Variants in YPEL1 observed in about 807,000 individuals in gnomAD.
YPEL1 encodes yippee like 1, also known as protein yippee-like 1.
Under a neutral mutation model 17.3 loss-of-function variants are expected in YPEL1, and 7 were observed. That is an observed-to-expected ratio of 0.40 (90% CI 0.23 to 0.76). The LOEUF is 0.76. YPEL1 is among the 30% of genes least tolerant of loss of function. The pLI is 0.35. For synonymous variants in YPEL1, 59 were observed against 59.6 expected, an observed-to-expected ratio of 0.99 and a Z score of 0.05; for missense variants, 91 against 155.5, an observed-to-expected ratio of 0.59 and a Z score of 2.21.
At chr22:21,704,017 C>A in intron 2 of YPEL1, 135 bp from the exon 3 acceptor site, 1 of 959,196 alleles carries the variant, frequency 1.0e-6, no homozygotes, top group South Asian at 1.4e-5. Flanking sequence ...ACACCGGCGT[C>A]CCCCCTCCAG....
intron 1 of YPEL1, among the ~76,000 whole-genome samples, chr22:21,711,440 C>T (rs1011859159): frequency 5.3e-5 from 8 of 152,170 alleles, no homozygotes; most frequent in African/African-American, 1.9e-4. Context: ...TGAGTGGGCC[C>T]GGTGGCAGGG....
Position 21,700,142 on chromosome 22 carries a change from GTACTT to G in YPEL1, c.*982_*986del, listed in dbSNP as rs2068050539. 6.6e-6 allele frequency: 1 copy of G among 152,318 alleles called. No homozygotes were observed. The highest frequency in any genetic ancestry group is 1.5e-5 in the Non-Finnish European group (1 of 68,026). 9.4% of individuals were successfully genotyped at this position (152,318 alleles called of 1,614,324 possible). On this transcript the variant is annotated 3_prime_UTR_variant, in exon 5 of 5. Coordinates refer to ENST00000339468, the MANE Select transcript of YPEL1 (RefSeq NM_013313.5). ...CTCTGGAAGATTCTTAAATAACACT[GTACTT>G]TAAGGGTTCATTTGCAAGAGGAATA...
At chr22:21,711,756 TA>T (rs1290697991) in intron 1 of YPEL1, among the ~76,000 whole-genome samples, 1 of 152,190 alleles carries the variant, frequency 6.6e-6, no homozygotes, top group Non-Finnish European at 1.5e-5. Context: ...GCTAAGACTA[TA>T]AAACTCTTAG....
At chr22:21,710,226 G>A (rs1484319013) in intron 2 of YPEL1, among the ~76,000 whole-genome samples, 1 of 152,124 alleles carries the variant, frequency 6.6e-6, no homozygotes, top group Non-Finnish European at 1.5e-5. Flanking sequence ...ATTTTTCTGA[G>A]CAACCCCTTT....
In YPEL1 at chr22:21,703,889, G is replaced by A; in HGVS notation, c.118-7C>T. ...CCTGGCTCCCCTGAAAGGACTGAAA[G>A]AAGAAGGTCCCGTGAGATTGGCTGC... On this transcript the variant is annotated splice_polypyrimidine_tract_variant and splice_region_variant and intron_variant, in intron 2 of 4. Transcript: ENST00000339468. The surrounding 1 kb of genome is among the most constrained non-coding windows in gnomAD (Gnocchi z 6.1). The A allele has an allele frequency of 5.0e-6, 8 of 1,595,382 alleles. No individual in the cohort carries two copies. The highest frequency in any genetic ancestry group is 6.8e-6 in the Non-Finnish European group (8 of 1,171,262).
At chr22:21,708,644 T>C (rs923533158) in intron 2 of YPEL1, among the ~76,000 whole-genome samples, 2 of 146,376 alleles carry the variant, frequency 1.4e-5, no homozygotes, top group Non-Finnish European at 3.0e-5. Context: ...CCAGCCAGGC[T>C]TCTATTCTTG....
chr22:21,710,811 C>G lies in YPEL1; in HGVS notation c.-67G>C. ...AAGAACCGTGGCTCTGCTGGCCTCT[C>G]TGACAAAAGCAACACTGGAAAATGC... is the stretch of plus-strand genomic sequence containing the variant. On this transcript the variant is annotated 5_prime_UTR_variant, in exon 2 of 5. Transcript: ENST00000339468. The G allele has an allele frequency of 7.1e-7, 1 of 1,406,920 alleles. No individual in the cohort carries two copies. The highest frequency in any genetic ancestry group is 1.0e-6 in the Non-Finnish European group (1 of 992,060). 87.2% of individuals were successfully genotyped at this position (1,406,920 alleles called of 1,614,324 possible). A position where few individuals can be genotyped will look rare whatever the true frequency, so the allele number is the denominator to read the frequency against.
At chr22:21,711,928 C>A (rs891257868) in intron 1 of YPEL1, among the ~76,000 whole-genome samples, 13 of 152,004 alleles carry the variant, frequency 8.6e-5, no homozygotes, top group Admixed American at 8.5e-4. Context: ...GGTCCCAGCA[C>A]TTTGGGAGGC....
intron 1 of YPEL1, among the ~76,000 whole-genome samples, chr22:21,715,784 A>G (rs2068217649): frequency 1.2e-5 from 1 of 85,958 alleles, no homozygotes; most frequent in East Asian, 2.7e-4. Context: ...TTTTTTTGAG[A>G]CAGAGTTTCG....
At chr22:21,704,768 T>G (rs891414762) in intron 2 of YPEL1, among the ~76,000 whole-genome samples, 3 of 150,632 alleles carry the variant, frequency 2.0e-5, no homozygotes, top group Admixed American at 2.0e-4. Flanking sequence ...GAGAAACAGC[T>G]CATGGTATAT....
rs76845365 is a variant in YPEL1 at position 21,703,809 on chromosome 22, G to C, written c.161+30C>G. The C allele has an allele frequency of 2.0e-5, 32 of 1,605,084 alleles. No homozygotes were observed. Among genetic ancestry groups the C allele is most frequent in the Middle Eastern group, 1.6e-4 (1 of 6,070 alleles). ...TCCAGGCCGTCCCAGGGCCCGTGCC[G>C]CTCCCCCCGGGCTGAACCAGGGTAC... is the stretch of plus-strand genomic sequence containing the variant. On this transcript the variant is annotated intron_variant, in intron 3 of 4. Coordinates refer to ENST00000339468, the MANE Select transcript of YPEL1 (RefSeq NM_013313.5). This position sits in a 1 kb window ranked among gnomAD's most constrained non-coding sequence, Gnocchi z 6.1.
chr22:21,734,723 G>A (rs1293330541), intron 1 of YPEL1, among the ~76,000 whole-genome samples: 1 of 152,166 alleles, frequency 6.6e-6, no homozygotes, highest in African/African-American at 2.4e-5. Context: ...CCTGGCACCT[G>A]GCAGGGGCTC....
chr22:21,729,014 G>C (rs1194483968), intron 1 of YPEL1, among the ~76,000 whole-genome samples: 1 of 151,610 alleles, frequency 6.6e-6, no homozygotes, highest in Non-Finnish European at 1.5e-5. Context: ...ATGGTGGTGT[G>C]TGCCTGTAAT....
At chr22:21,709,296 T>G (rs949138671) in intron 2 of YPEL1, among the ~76,000 whole-genome samples, 13 of 152,166 alleles carry the variant, frequency 8.5e-5, no homozygotes, top group African/African-American at 2.9e-4. Context: ...GGTGCCTGGC[T>G]CCTTCCACTT....
At chr22:21,709,852 GGGGAGGTCATGACCTGTGAGGATGT>G (rs1206425553) in intron 2 of YPEL1, among the ~76,000 whole-genome samples, 4 of 150,900 alleles carry the variant, frequency 2.7e-5, no homozygotes, top group African/African-American at 4.9e-5. Flanking sequence ...ATTGAGCATG[GGGGAGGTCATGACCTGTGAGGATGT>G]GGGAGGTCAT....
rs1021280002 is a variant in YPEL1 at position 21,699,722 on chromosome 22, C to G, written c.*1407G>C. 1 of 152,776 alleles carries G rather than the reference C, an allele frequency of 6.5e-6. No individual in the cohort carries two copies. The highest frequency in any genetic ancestry group is 2.4e-5 in the African/African-American group (1 of 41,452). The allele number at this position is 152,776 out of a possible 1,614,324, so 9.5% of individuals were successfully genotyped here. A position where few individuals can be genotyped will look rare whatever the true frequency, so the allele number is the denominator to read the frequency against. Reference sequence around the variant, plus strand: ...TTTTCCTGTGGGTTCTGGCCTCTTTCATATGCAAAAATAATTCTTTTTCTT... The same window carrying G: ...TTTTCCTGTGGGTTCTGGCCTCTTTGATATGCAAAAATAATTCTTTTTCTT... On this transcript the variant is annotated 3_prime_UTR_variant, in exon 5 of 5. Transcript: ENST00000339468.
At chr22:21,717,184 T>C (rs1426812618) in intron 1 of YPEL1, among the ~76,000 whole-genome samples, 2 of 152,064 alleles carry the variant, frequency 1.3e-5, no homozygotes, top group African/African-American at 2.4e-5. Context: ...GAGACCAGCC[T>C]GGCCAACACG....
chr22:21,712,098 C>T (rs2068171884), intron 1 of YPEL1, among the ~76,000 whole-genome samples: 2 of 152,058 alleles, frequency 1.3e-5, no homozygotes, highest in African/African-American at 4.8e-5. Context: ...TGGCTTGAGC[C>T]TGGGAAGTTG....
intron 1 of YPEL1, among the ~76,000 whole-genome samples, chr22:21,720,086 G>A (rs146964445): frequency 0.038 from 5,697 of 149,156 alleles, 356 homozygotes; most frequent in African/African-American, 0.13. Context: ...GCTGAGGCAG[G>A]AGAATCACTT....
Sources: allele counts gnomAD v4.1 joint callset (sites outside exome capture counted in the v4.1 genomes callset), GRCh38; gene constraint gnomAD v4.1.1; non-coding constraint Gnocchi (gnomAD v3.1); transcripts MANE v1.5; gene names NCBI Gene and HGNC (gene_info 2026-07-23, HGNC 2026-07-21).